The following RMST variants were observed in gnomAD, a reference collection of about 807,000 sequenced individuals.
RMST encodes long intergenic non-protein coding RNA 54.
intron 10 of RMST, among the ~76,000 whole-genome samples, chr12:97,520,446 T>C (rs1880397050): frequency 6.6e-6 from 1 of 152,216 alleles, no homozygotes; most frequent in Non-Finnish European, 1.5e-5. Flanking sequence ...GTATTGCATC[T>C]GTTTCATCCT....
intron 10 of RMST, among the ~76,000 whole-genome samples, chr12:97,498,815 A>G (rs919662257): frequency 6.6e-6 from 1 of 152,156 alleles, no homozygotes; most frequent in Non-Finnish European, 1.5e-5. Flanking sequence ...CATCCACACG[A>G]AGATCTAGAT....
intron 5 of RMST, among the ~76,000 whole-genome samples, chr12:97,484,015 C>A (rs1191062213): frequency 6.6e-6 from 1 of 152,114 alleles, no homozygotes; most frequent in African/African-American, 2.4e-5. Flanking sequence ...TGCTAATATT[C>A]TGAAGATACT....
rs1334302819 is a variant in RMST at position 97,482,712 on chromosome 12, TA to T, written n.645-9748del. Among the ~76,000 whole-genome samples, 60 of 7,892 alleles carry T rather than the reference TA, an allele frequency of 7.6e-3. 1 individual carries two copies. The highest frequency in any genetic ancestry group is 0.013 in the African/African-American group (37 of 2,770). 5.2% of individuals were successfully genotyped at this position (7,892 alleles called of 152,430 possible). On this transcript the variant is annotated intron_variant and non_coding_transcript_variant, in intron 5 of 13. Transcript: ENST00000640149. ...ATTATTTATTTAATAAATAAATTTA[TA>T]TTATTTATTTATTAAATAAATTTAT...
At chr12:97,507,257 GT>G (rs1197266329) in intron 10 of RMST, among the ~76,000 whole-genome samples, 21 of 117,940 alleles carry the variant, frequency 1.8e-4, no homozygotes, top group South Asian at 5.1e-4. Flanking sequence ...GGTTGTTATT[GT>G]TTTTTTTTTG....
At chr12:97,511,900 A>T (rs1405671982) in intron 10 of RMST, among the ~76,000 whole-genome samples, 1 of 152,218 alleles carries the variant, frequency 6.6e-6, no homozygotes, top group Non-Finnish European at 1.5e-5. Context: ...AGTTTTAGCT[A>T]TTGGAAACAA....
At chr12:97,542,615 A>T (rs1001943682) in intron 11 of RMST, among the ~76,000 whole-genome samples, 3 of 151,834 alleles carry the variant, frequency 2.0e-5, no homozygotes, top group Admixed American at 6.6e-5. Context: ...AAACCCCAAA[A>T]CACATAGAAT....
chr12:97,559,088 TTCTCTCTC>T (rs56136727), intron 11 of RMST, among the ~76,000 whole-genome samples: 29 of 146,656 alleles, frequency 2.0e-4, no homozygotes, highest in African/African-American at 6.0e-4. Flanking sequence ...ATTTCGAGGT[TTCTCTCTC>T]TCTCTCTCTC....
intron 10 of RMST, among the ~76,000 whole-genome samples, chr12:97,526,033 G>A (rs137867630): frequency 8.7e-4 from 132 of 151,976 alleles, no homozygotes; most frequent in African/African-American, 3.1e-3. Context: ...CCTCAGATGG[G>A]TCCATCTAGT....
At chr12:97,472,287 C>G (rs564237802) in intron 5 of RMST, among the ~76,000 whole-genome samples, 1 of 152,064 alleles carries the variant, frequency 6.6e-6, no homozygotes, top group East Asian at 1.9e-4. Context: ...TACATACTTA[C>G]GTAATGGAAA....
chr12:97,539,600 A>C (rs1413706327), intron 11 of RMST, among the ~76,000 whole-genome samples: 2 of 151,638 alleles, frequency 1.3e-5, no homozygotes, highest in Non-Finnish European at 3.0e-5. Context: ...ACTTTTTGCT[A>C]TCATGAGATT....
intron 5 of RMST, among the ~76,000 whole-genome samples, chr12:97,488,220 C>T (rs1216823448): frequency 5.9e-5 from 9 of 152,164 alleles, no homozygotes; most frequent in Admixed American, 3.3e-4. Flanking sequence ...CCTGTCTCTA[C>T]TAAAAATACA....
At chr12:97,537,634 A>G (rs1592763483) in intron 11 of RMST, among the ~76,000 whole-genome samples, 1 of 151,464 alleles carries the variant, frequency 6.6e-6, no homozygotes, top group Non-Finnish European at 1.5e-5. Context: ...CCAAATTACC[A>G]TGTGCAAACA....
intron 3 of RMST, chr12:97,463,052 T>TCTCTCTCTCTCTCTCTCTCTCTCA: frequency 7.2e-6 from 1 of 138,290 alleles, no homozygotes; most frequent in Non-Finnish European, 1.6e-5. Flanking sequence ...TCTCTCTCTC[T>TCTCTCTCTCTCTCTCTCTCTCTCA]CTCTCTGAAA....
At position 97,506,675 on chromosome 12, in the gene RMST, GTTTTTTTTTTTTTTT is replaced by G. The variant is rs780505590; in HGVS notation, n.1340+10630_1340+10644del. Among the ~76,000 whole-genome samples the G allele has an allele frequency of 3.9e-5, 3 of 76,948 alleles. No homozygotes were observed. The South Asian group carries it at 1.6e-3, about 40-fold the overall frequency. 50.5% of individuals were successfully genotyped at this position (76,948 alleles called of 152,430 possible). On this transcript the variant is annotated intron_variant and non_coding_transcript_variant, in intron 10 of 13. Coordinates refer to ENST00000640149, the Ensembl canonical transcript of RMST. ...CGGATTGAAGACATTAGGGTAATCT[GTTTTTTTTTTTTTTT>G]TTTTTTTTTTGGAGATGTAGTCTTG...
intron 10 of RMST, among the ~76,000 whole-genome samples, chr12:97,512,143 C>T (rs1041329638): frequency 5.9e-5 from 9 of 152,068 alleles, no homozygotes; most frequent in Non-Finnish European, 1.0e-4. Context: ...TTCGTGGTCT[C>T]GCTGGCTCAG....
intron 5 of RMST, among the ~76,000 whole-genome samples, chr12:97,472,649 A>G (rs1471576833): frequency 6.6e-6 from 1 of 152,130 alleles, no homozygotes; most frequent in Admixed American, 6.6e-5. Flanking sequence ...TTGGGTAACT[A>G]AAATAAGATA....
At chr12:97,491,887 C>T (rs772738087) in intron 5 of RMST, 26 of 523,256 alleles carry the variant, frequency 5.0e-5, no homozygotes, top group Admixed American at 1.2e-4. Context: ...AAACTCCACC[C>T]GAGCGTCCAT....
chr12:97,477,623 GA>G (rs1874711304), intron 5 of RMST, among the ~76,000 whole-genome samples: 1 of 152,206 alleles, frequency 6.6e-6, no homozygotes, highest in Admixed American at 6.5e-5. Flanking sequence ...TTCTGTGATA[GA>G]AAAGCTACTC....
chr12:97,494,022 T>C (rs368759879), intron 8 of RMST: 2 of 152,220 alleles, frequency 1.3e-5, no homozygotes, highest in Admixed American at 6.5e-5. Flanking sequence ...TTATTGTGAA[T>C]TGGCTTCCAG....
Sources: allele counts gnomAD v4.1 joint callset (sites outside exome capture counted in the v4.1 genomes callset), GRCh38; gene constraint gnomAD v4.1.1; transcripts MANE v1.5; gene names NCBI Gene and HGNC (gene_info 2026-07-23, HGNC 2026-07-21).